SHC3: variants seen among roughly 807,000 people sequenced by gnomAD.
SHC3 encodes the protein SHC-transforming protein 3.
Under a neutral mutation model 60.4 loss-of-function variants are expected in SHC3, and 15 were observed. That is an observed-to-expected ratio of 0.25 (90% CI 0.17 to 0.38). The LOEUF is 0.38. Among genes scored for constraint, SHC3 ranks in the 10% least tolerant of loss-of-function variants. SHC3 has a pLI of 1.00. For missense variants in SHC3, 677 were observed against 786.1 expected, an observed-to-expected ratio of 0.86 and a Z score of 1.66; for synonymous variants, 294 against 325.9, an observed-to-expected ratio of 0.90 and a Z score of 1.05.
chr9:89,046,750 G>T, intron 8 of SHC3, 94 bp downstream of exon 8: 1 of 1,325,578 alleles, frequency 7.5e-7, no homozygotes, highest in Non-Finnish European at 9.9e-7. Flanking sequence ...AAATGAAACA[G>T]AACATCAGCC....
At position 89,062,459 on chromosome 9, in the gene SHC3, T is replaced by C. The variant is rs142146988; in HGVS notation, c.835+3070A>G. On this transcript the variant is annotated intron_variant, in intron 6 of 11. Transcript: ENST00000375835. The stretch of plus-strand genomic sequence containing the variant: ...TTTTGTCCTTTCACTGGATTAACTA[T>C]AGAAGCCATGGATTCTTGATACCAG... Among the ~76,000 whole-genome samples, 788 of 152,332 alleles carry C rather than the reference T, an allele frequency of 5.2e-3. 3 individuals carry two copies. The highest frequency in any genetic ancestry group is 0.018 in the African/African-American group (737 of 41,574).
At chr9:89,029,079 G>A (rs1040241233) in intron 11 of SHC3, among the ~76,000 whole-genome samples, 3 of 150,994 alleles carry the variant, frequency 2.0e-5, no homozygotes, top group African/African-American at 7.3e-5. Flanking sequence ...TGATAGTCAA[G>A]AAAAGCTCCC....
At chr9:89,177,740 G>A (rs1268384199) in intron 1 of SHC3, among the ~76,000 whole-genome samples, 1 of 152,250 alleles carries the variant, frequency 6.6e-6, no homozygotes, top group East Asian at 1.9e-4. Context: ...GTGGAGCCTA[G>A]GGAAAACCGG....
intron 11 of SHC3, among the ~76,000 whole-genome samples, chr9:89,030,524 T>C (rs1172361446): frequency 1.3e-5 from 2 of 152,046 alleles, no homozygotes; most frequent in Non-Finnish European, 2.9e-5. Context: ...AATAGACCTA[T>C]AACAAGTGAA....
chr9:89,131,950 G>A (rs1388402864), intron 1 of SHC3, among the ~76,000 whole-genome samples: 1 of 152,158 alleles, frequency 6.6e-6, no homozygotes, highest in Non-Finnish European at 1.5e-5. Context: ...ATTCAAATAG[G>A]AAAAGAGGAA....
chr9:89,124,065 GC>G (rs1392102311), intron 1 of SHC3, among the ~76,000 whole-genome samples: 16 of 151,624 alleles, frequency 1.1e-4, no homozygotes, highest in South Asian at 2.1e-4. Flanking sequence ...CTCCTGCATT[GC>G]CAGCAAACAT....
chr9:89,074,741 G>A (rs1050712975), intron 4 of SHC3, among the ~76,000 whole-genome samples: 5 of 140,868 alleles, frequency 3.5e-5, no homozygotes, highest in African/African-American at 5.3e-5. Flanking sequence ...ATGACATGCC[G>A]TCCACTTCAA....
At chr9:89,026,042 G>A (rs1332127107) in intron 11 of SHC3, among the ~76,000 whole-genome samples, 3 of 152,068 alleles carry the variant, frequency 2.0e-5, no homozygotes, top group East Asian at 3.9e-4. Flanking sequence ...TCAGGAGTTC[G>A]AGACCAGCCT....
chr9:89,114,253 G>A (rs182360293), intron 1 of SHC3, among the ~76,000 whole-genome samples: 121 of 152,244 alleles, frequency 7.9e-4, no homozygotes, highest in Middle Eastern at 6.8e-3. Flanking sequence ...GTGGAATTAC[G>A]TAAATATCAT....
intron 5 of SHC3, among the ~76,000 whole-genome samples, chr9:89,069,063 C>T (rs553297328): frequency 1.8e-4 from 28 of 152,328 alleles, no homozygotes; most frequent in Admixed American, 1.6e-3. Context: ...AATCCCAGCA[C>T]TTTGGGAGGC....
At chr9:89,083,259 G>T (rs1207285846) in intron 2 of SHC3, among the ~76,000 whole-genome samples, 2 of 152,242 alleles carry the variant, frequency 1.3e-5, no homozygotes, top group East Asian at 3.8e-4. Flanking sequence ...GGAGCAAGAG[G>T]TCAGTTACCT....
intron 2 of SHC3, among the ~76,000 whole-genome samples, chr9:89,079,614 T>C (rs1167290314): frequency 6.6e-6 from 1 of 152,220 alleles, no homozygotes; most frequent in Non-Finnish European, 1.5e-5. Flanking sequence ...AGTCAGGCCC[T>C]GGAGCTTGCA....
At chr9:89,154,157 C>A (rs1826588023) in intron 1 of SHC3, among the ~76,000 whole-genome samples, 1 of 152,096 alleles carries the variant, frequency 6.6e-6, no homozygotes, top group Non-Finnish European at 1.5e-5. Context: ...TGGTTGGAAG[C>A]CGTTCTGTTT....
chr9:89,065,160 C>T (rs1405708605), intron 6 of SHC3, among the ~76,000 whole-genome samples: 1 of 152,166 alleles, frequency 6.6e-6, no homozygotes, highest in East Asian at 1.9e-4. Context: ...AGTGAAGTAG[C>T]TAGGGGTGGC....
rs115813797 is a variant in SHC3, at chr9:89,050,996, G to A, written c.962+1041C>T. On this transcript the variant is annotated intron_variant, in intron 7 of 11. Coordinates refer to ENST00000375835, the MANE Select transcript of SHC3 (RefSeq NM_016848.6). The stretch of plus-strand genomic sequence containing the variant: ...AAGTTTCTAGCAATGTGGAAATGGT[G>A]GGTCCTGCAGAGGCACCTCCAAAAT... Among the ~76,000 whole-genome samples the A allele has an allele frequency of 3.3e-3, 503 of 151,888 alleles. 4 individuals carry two copies. Among genetic ancestry groups the A allele is most frequent in the African/African-American group, 0.011 (453 of 41,416 alleles).
At chr9:89,128,160 T>C (rs917611595) in intron 1 of SHC3, among the ~76,000 whole-genome samples, 10 of 152,184 alleles carry the variant, frequency 6.6e-5, no homozygotes, top group African/African-American at 2.4e-4. Flanking sequence ...TAATGCCTTT[T>C]GGTTCATGTG....
intron 2 of SHC3, among the ~76,000 whole-genome samples, chr9:89,103,955 G>A (rs1324031184): frequency 2.0e-5 from 3 of 152,080 alleles, no homozygotes; most frequent in African/African-American, 7.2e-5. Context: ...TGAACTCAGA[G>A]GAAAAGACAG....
chr9:89,034,137 A>C (rs986090416), intron 11 of SHC3, among the ~76,000 whole-genome samples: 3 of 152,236 alleles, frequency 2.0e-5, no homozygotes, highest in Admixed American at 1.3e-4. Context: ...CAATTTAAAA[A>C]ACAATTATTA....
chr9:89,037,994 G>T lies in SHC3; in HGVS notation c.1655C>A (p.Thr552Lys). ...GCCCCACCCCCACTGGGTGCTCACCGTGCCTTCTGGGTCCACGAGCAGCAG... is the reference window on the plus strand; with the variant it reads ...GCCCCACCCCCACTGGGTGCTCACCTTGCCTTCTGGGTCCACGAGCAGCAG... ...KHLLLVDPEG[T>K]IRTKDRVFDS... is the part of the protein sequence containing the mutation. The change falls in exon 11 of 12, where the codon ACG becomes AAG. Residue 552 changes from threonine to lysine, a missense_variant and splice_region_variant. Thr to Lys is a moderately conservative substitution (Grantham distance 78, BLOSUM62 -1). Coordinates refer to ENST00000375835, the MANE Select transcript of SHC3 (RefSeq NM_016848.6). 6.2e-7 allele frequency: 1 copy of T among 1,606,400 alleles called. No individual in the cohort carries two copies. Among genetic ancestry groups the T allele is most frequent in the East Asian group, 2.2e-5 (1 of 44,862 alleles).
Sources: gnomAD v4.1 joint callset for allele counts (sites outside exome capture counted in the v4.1 genomes callset) on GRCh38, gnomAD v4.1.1 for gene constraint, MANE v1.5 for transcripts, NCBI Gene and HGNC (gene_info 2026-07-23, HGNC 2026-07-21) for gene names.